ABHD12: variants seen among roughly 807,000 people sequenced by gnomAD.
The protein encoded by ABHD12 is lysophosphatidylserine lipase ABHD12.
Under a neutral mutation model 58.3 loss-of-function variants are expected in ABHD12, and 43 were observed. That is an observed-to-expected ratio of 0.74 (90% CI 0.58 to 0.95). The LOEUF is 0.95. Among genes scored for constraint, ABHD12 ranks in the 40% least tolerant of loss-of-function variants. The pLI is 0.00. For synonymous variants in ABHD12, 219 were observed against 211.2 expected (o/e 1.04, Z -0.32); for missense variants, 539 against 537.2 (o/e 1.00, Z -0.03).
Position 25,369,927 on chromosome 20 carries a change from T to TAA in ABHD12, c.191+20584_191+20585dup, listed in dbSNP as rs3032443. Among the ~76,000 whole-genome samples, 268 of 91,414 alleles carry TAA rather than the reference T, an allele frequency of 2.9e-3. 9 individuals are homozygous for TAA. Among genetic ancestry groups the TAA allele is most frequent in the Middle Eastern group, 6.4e-3 (1 of 156 alleles). 60.0% of individuals were successfully genotyped at this position (91,414 alleles called of 152,430 possible). ...AGACCCTGTTTCTCTGTCTCTGTTA[T>TAA]AAAAAAAAAAAAAAAAAAAAAAGCC... On this transcript the variant is annotated intron_variant, in intron 1 of 12. Coordinates refer to ENST00000339157, the MANE Select transcript of ABHD12 (RefSeq NM_001042472.3).
chr20:25,360,792 G>A (rs1400556068), intron 1 of ABHD12, among the ~76,000 whole-genome samples: 1 of 152,180 alleles, frequency 6.6e-6, no homozygotes, highest in Non-Finnish European at 1.5e-5. Flanking sequence ...GGTACCCGTG[G>A]CGGGAGGATC....
chr20:25,342,101 C>T (rs1362736704), intron 1 of ABHD12, among the ~76,000 whole-genome samples: 1 of 71,766 alleles, frequency 1.4e-5, no homozygotes, highest in Non-Finnish European at 2.4e-5. Context: ...GAAACTCTGT[C>T]TCAAAAAAAA....
At chr20:25,305,306 AT>A (rs1031147544) in intron 10 of ABHD12, among the ~76,000 whole-genome samples, 3 of 150,770 alleles carry the variant, frequency 2.0e-5, no homozygotes, top group South Asian at 2.1e-4. Context: ...AAAATACTCC[AT>A]TTTTTTTCAT....
At position 25,316,904 on chromosome 20, in the gene ABHD12, G is replaced by A. The variant is rs1171167205; in HGVS notation, c.573+144C>T. ...ACTGTACCACTGCACTCCAGCCTGG[G>A]CAACAGAGGAGGAGGACCCTGTCTC... On this transcript the variant is annotated intron_variant, in intron 5 of 12. Transcript: ENST00000339157. 3 of 764,528 alleles carry A rather than the reference G, an allele frequency of 3.9e-6. No homozygotes were observed. The African/African-American group carries it at 5.1e-5, about 13-fold the overall frequency. 47.4% of individuals were successfully genotyped at this position (764,528 alleles called of 1,614,324 possible). A position where few individuals can be genotyped will look rare whatever the true frequency, so the allele number is the denominator to read the frequency against.
chr20:25,296,731 A>G, downstream of ABHD12: 1 of 672,726 alleles, frequency 1.5e-6, no homozygotes, highest in South Asian at 2.0e-5. Context: ...TTGTAAAGGA[A>G]GCCAGAGTTG....
At chr20:25,295,966 C>A (rs1182116538), downstream of ABHD12, among the ~76,000 whole-genome samples, 1 of 152,156 alleles carries the variant, frequency 6.6e-6, no homozygotes. Context: ...TCAGGGCTGG[C>A]CTCGAGGAAA....
At chr20:25,331,407 C>G (rs1600810805) in intron 2 of ABHD12, among the ~76,000 whole-genome samples, 1 of 152,040 alleles carries the variant, frequency 6.6e-6, no homozygotes, top group East Asian at 1.9e-4. Context: ...GAGAACTTCC[C>G]CAATCTAGCA....
intron 1 of ABHD12, among the ~76,000 whole-genome samples, chr20:25,345,424 C>A (rs1411010143): frequency 1.3e-5 from 2 of 151,994 alleles, no homozygotes; most frequent in African/African-American, 4.8e-5. Context: ...AAGGTATGAT[C>A]CATGAAAGAA....
At chr20:25,388,483 A>G (rs956426096) in intron 1 of ABHD12, among the ~76,000 whole-genome samples, 1 of 152,188 alleles carries the variant, frequency 6.6e-6, no homozygotes, top group Non-Finnish European at 1.5e-5. Flanking sequence ...AGAAGGCCTC[A>G]GTGAGGAGGA....
chr20:25,339,731 G>T, intron 1 of ABHD12: 2 of 1,348,822 alleles, frequency 1.5e-6, no homozygotes, highest in Non-Finnish European at 2.0e-6. Context: ...CAGGCCTCCC[G>T]ATCCGTCTTC....
In ABHD12 at chr20:25,390,521, C is replaced by A. The variant is rs2146161198; in HGVS notation, c.183G>T (p.Ala61=). The A allele has an allele frequency of 6.8e-7, 1 of 1,465,578 alleles. No individual in the cohort carries two copies. The allele number at this position is 1,465,578 out of a possible 1,614,324, so 90.8% of individuals were successfully genotyped here. ...TCCGCGCGAAGCCTCACCTGCCCAGCGCCCGCTTCATTCCCGCGTCGGCTG... is the reference window on the plus strand; with the variant it reads ...TCCGCGCGAAGCCTCACCTGCCCAGAGCCCGCTTCATTCCCGCGTCGGCTG... ...RCAADAGMKR[A]LGRRKGVWLR... Residue 61 remains alanine (A), a synonymous_variant, in exon 1 of 13, where the codon GCG becomes GCT. Transcript: ENST00000339157.
chr20:25,321,133 A>G (rs989426133), intron 3 of ABHD12, among the ~76,000 whole-genome samples: 3 of 152,226 alleles, frequency 2.0e-5, no homozygotes, highest in African/African-American at 7.2e-5. Flanking sequence ...GATCCGTTCA[A>G]AAGGATCACT....
chr20:25,304,466 G>T (rs1338873921), intron 10 of ABHD12, among the ~76,000 whole-genome samples: 1 of 152,230 alleles, frequency 6.6e-6, no homozygotes, highest in African/African-American at 2.4e-5. Flanking sequence ...AGCTGAGGGT[G>T]GGGGTCTCAC....
chr20:25,368,693 C>T, intron 1 of ABHD12: 1 of 1,366,096 alleles, frequency 7.3e-7, no homozygotes, highest in South Asian at 1.2e-5. Context: ...ATCTTGTCTG[C>T]AAACAGGTTG....
intron 3 of ABHD12, among the ~76,000 whole-genome samples, chr20:25,322,491 T>C (rs1342254285): frequency 6.8e-6 from 1 of 147,984 alleles, no homozygotes; most frequent in African/African-American, 2.5e-5. Flanking sequence ...GCAATTCTCT[T>C]GCCTCAAACT....
chr20:25,319,891 C>T (rs1348520642), intron 4 of ABHD12, among the ~76,000 whole-genome samples: 2 of 152,238 alleles, frequency 1.3e-5, no homozygotes, highest in Non-Finnish European at 2.9e-5. Flanking sequence ...GCTGCAGCTC[C>T]AGATAGGGGA....
intron 2 of ABHD12, among the ~76,000 whole-genome samples, chr20:25,329,803 A>C (rs923499856): frequency 6.6e-6 from 1 of 152,210 alleles, no homozygotes; most frequent in Non-Finnish European, 1.5e-5. Context: ...ATCAAATTCC[A>C]ATTACCTGAT....
At chr20:25,364,850 C>G (rs2089798421) in intron 1 of ABHD12, among the ~76,000 whole-genome samples, 1 of 152,260 alleles carries the variant, frequency 6.6e-6, no homozygotes, top group Non-Finnish European at 1.5e-5. Flanking sequence ...GAGCTGCTCT[C>G]TGGCCCTCTG....
Position 25,320,186 on chromosome 20 carries a change from T to C in ABHD12, c.542+13A>G. On this transcript the variant is annotated intron_variant, in intron 4 of 12. Transcript: ENST00000339157. ...ATGCTCCACAGCAAAGATGATGGGC[T>C]CCTCTCCCTCACCTGGTACCTGCGT... is the stretch of plus-strand genomic sequence containing the variant. 1 of 1,613,678 alleles carries C rather than the reference T, an allele frequency of 6.2e-7. No individual in the cohort carries two copies. The highest frequency in any genetic ancestry group is 1.1e-5 in the South Asian group (1 of 91,042).
Sources: gnomAD v4.1 joint callset for allele counts (sites outside exome capture counted in the v4.1 genomes callset) on GRCh38, gnomAD v4.1.1 for gene constraint, MANE v1.5 for transcripts, NCBI Gene and HGNC (gene_info 2026-07-23, HGNC 2026-07-21) for gene names.